The following MTFR1L variants were observed in gnomAD, a reference collection of about 807,000 sequenced individuals.
The protein encoded by MTFR1L is mitochondrial fission regulator 1-like.
MTFR1L carries 10 observed loss-of-function variants against 27.9 expected under a neutral mutation model. The ratio of observed to expected loss-of-function variants is 0.36; its 90% CI spans 0.22 to 0.61. The LOEUF (loss-of-function observed/expected upper bound fraction) is 0.61, where lower values mean the gene tolerates loss of function less well. Among genes scored for constraint, MTFR1L ranks in the 20% least tolerant of loss-of-function variants. The probability of loss-of-function intolerance (pLI) is 0.73; values close to 1 mark genes in which losing one functional copy is unlikely to be tolerated. For synonymous variants in MTFR1L, 151 were observed against 139.4 expected (o/e 1.08, Z -0.58); for missense variants, 315 against 363.7 (o/e 0.87, Z 1.09).
Position 25,826,627 on chromosome 1 carries a change from C to T in MTFR1L, c.252C>T (p.Arg84=). Residue 84 remains arginine (R), a synonymous_variant, in exon 5 of 7, where the codon CGC becomes CGT. Transcript: ENST00000374303. The surrounding 1 kb of genome is among the most constrained non-coding windows in gnomAD (Gnocchi z 4.1). ...ETYARVRSDT[R]PLRHTWKPSP... ...TTCCCTGGTCCAGGAGTGATACGCG[C>T]CCCCTGAGGCACACCTGGAAACCCA... 2 of 1,614,152 alleles carry T rather than the reference C, an allele frequency of 1.2e-6. No individual in the cohort carries two copies. The highest frequency in any genetic ancestry group is 1.7e-6 in the Non-Finnish European group (2 of 1,180,022).
chr1:25,824,233 A>T (rs72877495), intron 3 of MTFR1L, among the ~76,000 whole-genome samples: 1,888 of 152,184 alleles, frequency 0.012, 41 homozygotes, highest in African/African-American at 0.043. Flanking sequence ...TTTTTGGCCA[A>T]TCTGGGCATC....
chr1:25,827,066 C>A (rs937763860), intron 5 of MTFR1L, among the ~76,000 whole-genome samples: 1 of 152,144 alleles, frequency 6.6e-6, no homozygotes, highest in Non-Finnish European at 1.5e-5. Context: ...GGCAGAGTCC[C>A]TCCCTTAGCC....
In MTFR1L at chr1:25,832,250, G is replaced by A; in HGVS notation, c.*224G>A. The A allele has an allele frequency of 2.3e-6, 3 of 1,324,794 alleles. No homozygotes were observed. The highest frequency in any genetic ancestry group is 1.3e-5 in the South Asian group (1 of 78,502). 82.1% of individuals were successfully genotyped at this position (1,324,794 alleles called of 1,614,324 possible). On this transcript the variant is annotated 3_prime_UTR_variant, in exon 7 of 7. Transcript: ENST00000374303. ...ATTTGACCTGAGACATTTGTTTCAG[G>A]TAATCGTGTAGAATGAAGTATCTTA... is the stretch of plus-strand genomic sequence containing the variant.
chr1:25,831,241 A>AAAAC (rs1242027828), intron 6 of MTFR1L, among the ~76,000 whole-genome samples: 1 of 152,200 alleles, frequency 6.6e-6, no homozygotes, highest in Non-Finnish European at 1.5e-5. Flanking sequence ...AATCACCAGT[A>AAAAC]AAACACCTTC....
Position 25,829,804 on chromosome 1 carries a change from T to C in MTFR1L, c.747T>C (p.Phe249=). The part of the protein sequence containing the change: ...FADMMGILKD[F]HRMKQSQDLN... The stretch of plus-strand genomic sequence containing the variant: ...ACATGATGGGTATCCTGAAGGACTT[T>C]CACCGAATGAAACAGAGTCAAGATC... Residue 249 remains phenylalanine (F), a synonymous_variant, in exon 6 of 7, where the codon TTT becomes TTC. Coordinates refer to ENST00000374303, the MANE Select transcript of MTFR1L (RefSeq NM_001099625.2). The C allele has an allele frequency of 1.1e-5, 17 of 1,604,376 alleles. No homozygotes were observed. Among genetic ancestry groups the C allele is most frequent in the Non-Finnish European group, 1.4e-5 (16 of 1,179,048 alleles).
chr1:25,829,261 A>T (rs1023027538), intron 5 of MTFR1L, among the ~76,000 whole-genome samples: 1 of 152,146 alleles, frequency 6.6e-6, no homozygotes, highest in African/African-American at 2.4e-5. Flanking sequence ...CAAGGCCATT[A>T]TGGGGCTGGG....
intron 1 of MTFR1L, chr1:25,820,618 C>A: frequency 2.4e-6 from 1 of 408,782 alleles, no homozygotes; most frequent in Non-Finnish European, 4.7e-6. Flanking sequence ...CGCCTGTCAG[C>A]AGACAGCAAC....
In MTFR1L at chr1:25,826,901, AAG is replaced by A. The variant is rs2048176691; in HGVS notation, c.451+77_451+78del. The A allele has an allele frequency of 6.6e-7, 1 of 1,508,532 alleles. No homozygotes were observed. Among genetic ancestry groups the A allele is most frequent in the Admixed American group, 1.9e-5 (1 of 51,328 alleles). 93.4% of individuals were successfully genotyped at this position (1,508,532 alleles called of 1,614,324 possible). A position where few individuals can be genotyped will look rare whatever the true frequency, so the allele number is the denominator to read the frequency against. ...CTGGCTCTTGGGCAGGATAGGGGTA[AAG>A]AAAGTGGTAATCCTTGGTTTGCAGG... On this transcript the variant is annotated intron_variant, in intron 5 of 6. Coordinates refer to ENST00000374303, the MANE Select transcript of MTFR1L (RefSeq NM_001099625.2). This position sits in a 1 kb window ranked among gnomAD's most constrained non-coding sequence, Gnocchi z 4.1.
intron 5 of MTFR1L, among the ~76,000 whole-genome samples, chr1:25,827,662 A>G (rs1285111398): frequency 6.6e-6 from 1 of 152,056 alleles, no homozygotes; most frequent in African/African-American, 2.4e-5. Context: ...GCTGGTCTCA[A>G]ACTCCTGGCC....
At chr1:25,823,379 C>T (rs781109475) in intron 2 of MTFR1L, 5 of 719,750 alleles carry the variant, frequency 6.9e-6, no homozygotes, top group South Asian at 6.0e-5. Context: ...AATCTCTACA[C>T]TCAGCTACTT....
At chr1:25,831,103 G>A (rs1441775096) in intron 6 of MTFR1L, among the ~76,000 whole-genome samples, 1 of 152,178 alleles carries the variant, frequency 6.6e-6, no homozygotes, top group East Asian at 1.9e-4. Flanking sequence ...AGAAGGAGCT[G>A]GGTCAGTGAA....
chr1:25,832,140 T>C lies in MTFR1L; in HGVS notation c.*114T>C, dbSNP rs2048252586. The C allele has an allele frequency of 6.3e-7, 1 of 1,583,184 alleles. No individual in the cohort carries two copies. On this transcript the variant is annotated 3_prime_UTR_variant, in exon 7 of 7. Transcript: ENST00000374303. ...GATAGATCTTCTGCAACAGTCTTGC[T>C]GACAAGCTAGAGCTTGGACTGAAAG...
intron 1 of MTFR1L, 158 bp from the exon 2 acceptor site, chr1:25,822,861 T>TAA (rs2048114849): frequency 1.9e-6 from 1 of 531,278 alleles, no homozygotes; most frequent in African/African-American, 3.1e-5. Flanking sequence ...AGTCTGGACT[T>TAA]AGAGCTAAGT....
In MTFR1L at chr1:25,829,585, C is replaced by T. The variant is rs1177042965; in HGVS notation, c.528C>T (p.Ser176=). The T allele has an allele frequency of 6.8e-6, 11 of 1,614,076 alleles. No individual in the cohort carries two copies. The East Asian group carries it at 2.2e-4, about 33-fold the overall frequency. ...NVSSPLPCFG[S]SFHSTTSFVI... ...CTTCTCCCTTACCTTGTTTTGGATCCTCATTCCACTCTACAACTTCCTTTG... is the reference window on the plus strand; with the variant it reads ...CTTCTCCCTTACCTTGTTTTGGATCTTCATTCCACTCTACAACTTCCTTTG... The change falls in exon 6 of 7, where the codon TCC becomes TCT. Residue 176 remains serine, a synonymous_variant. Coordinates refer to ENST00000374303, the MANE Select transcript of MTFR1L (RefSeq NM_001099625.2).
rs1431160894 is a variant in MTFR1L at position 25,829,901 on chromosome 1, A to G, written c.773+71A>G. On this transcript the variant is annotated intron_variant, in intron 6 of 6. Coordinates refer to ENST00000374303, the MANE Select transcript of MTFR1L (RefSeq NM_001099625.2). ...CCCATGGCCAATTATGTAATGCAACATACTTACATAGTAAGTTCTTAGTAG... is the reference window on the plus strand; with the variant it reads ...CCCATGGCCAATTATGTAATGCAACGTACTTACATAGTAAGTTCTTAGTAG... 4.0e-6 allele frequency: 5 copies of G among 1,264,042 alleles called. No individual in the cohort carries two copies. The African/African-American group carries it at 4.5e-5, about 11-fold the overall frequency. 78.3% of individuals were successfully genotyped at this position (1,264,042 alleles called of 1,614,324 possible). A position where few individuals can be genotyped will look rare whatever the true frequency, so the allele number is the denominator to read the frequency against.
At chr1:25,820,067 C>T (rs991606426) in intron 1 of MTFR1L, 38 bp downstream of exon 1, 15 of 407,730 alleles carry the variant, frequency 3.7e-5, no homozygotes, top group Middle Eastern at 8.0e-4. Context: ...GGCGGGAGCG[C>T]GACCTTCCAG....
intron 6 of MTFR1L, among the ~76,000 whole-genome samples, chr1:25,830,087 T>C (rs74060861): frequency 0.039 from 5,864 of 152,274 alleles, 393 homozygotes; most frequent in African/African-American, 0.13. Context: ...CTAATCCAAC[T>C]TCTGTCCTCA....
At chr1:25,829,350 A>T (rs1479894674) in intron 5 of MTFR1L, among the ~76,000 whole-genome samples, 159 bp from the exon 6 acceptor site, 1 of 152,138 alleles carries the variant, frequency 6.6e-6, no homozygotes, top group Non-Finnish European at 1.5e-5. Context: ...AGCATAGTGG[A>T]ATGACCCTCC....
rs983429944 is a variant in MTFR1L at position 25,832,367 on chromosome 1, T to C, written c.*341T>C. On this transcript the variant is annotated 3_prime_UTR_variant, in exon 7 of 7. Coordinates refer to ENST00000374303, the MANE Select transcript of MTFR1L (RefSeq NM_001099625.2). ...TGACTGACTTCACTGCATTAGACCCTATAGCTGGTCTCACAAGACACTTTG... is the reference window on the plus strand; with the variant it reads ...TGACTGACTTCACTGCATTAGACCCCATAGCTGGTCTCACAAGACACTTTG... 1.7e-6 allele frequency: 1 copy of C among 585,088 alleles called. No homozygotes were observed. Among genetic ancestry groups the C allele is most frequent in the Non-Finnish European group, 3.0e-6 (1 of 332,210 alleles). The allele number at this position is 585,088 out of a possible 1,614,324, so 36.2% of individuals were successfully genotyped here.
Sources: gnomAD v4.1 joint callset for allele counts (sites outside exome capture counted in the v4.1 genomes callset) on GRCh38, gnomAD v4.1.1 for gene constraint, Gnocchi (gnomAD v3.1) non-coding constraint, MANE v1.5 for transcripts, NCBI Gene and HGNC (gene_info 2026-07-23, HGNC 2026-07-21) for gene names.